Variants in USP9Y observed in about 807,000 individuals in gnomAD.
USP9Y encodes the protein ubiquitin specific peptidase 9 Y-linked.
A neutral mutation model predicts 53.1 loss-of-function variants in USP9Y; 41 were observed. The ratio of observed to expected loss-of-function variants is 0.77; its 90% confidence interval spans 0.60 to 1.00. USP9Y has a LOEUF of 1.00. Among genes scored for constraint, USP9Y ranks in the 50% least tolerant of loss-of-function variants. The pLI is 0.00. For missense variants in USP9Y, 567 were observed against 535.8 expected (o/e 1.06, Z -0.58); for synonymous variants, 220 against 173.7 (o/e 1.27, Z -2.09).
Position 12,771,093 on chromosome Y carries a change from A to G in USP9Y, c.1926A>G (p.Thr642=), listed in dbSNP as rs2053485470. Residue 642 remains threonine (T), a synonymous_variant, in exon 16 of 46, where the codon ACA becomes ACG. Transcript: ENST00000338981. ...ATCATGAAGACTATGATCCACAAAC[A>G]GTGAGGCTTGGAAGTCGATACAGTC... is the stretch of plus-strand genomic sequence containing the variant. The part of the protein sequence containing the change: ...AGDHEDYDPQ[T]VRLGSRYSHV... The G allele has an allele frequency of 2.5e-6, 1 of 395,616 alleles. No homozygotes were observed. Among genetic ancestry groups the G allele is most frequent in the African/African-American group, 6.3e-5 (1 of 15,843 alleles).
intron 39 of USP9Y, among the ~76,000 whole-genome samples, chrY:12,843,436 T>G (rs2053564032): frequency 3.0e-5 from 1 of 33,210 alleles, no homozygotes; most frequent in Non-Finnish European, 7.5e-5. Context: ...TTTGTCTGAT[T>G]GATGTTATCT....
intron 12 of USP9Y, among the ~76,000 whole-genome samples, chrY:12,753,173 G>A (rs992393254): frequency 6.0e-5 from 2 of 33,486 alleles, no homozygotes; most frequent in African/African-American, 1.2e-4. Flanking sequence ...TTTTACAGAA[G>A]TGGGGTTTCA....
intron 12 of USP9Y, among the ~76,000 whole-genome samples, chrY:12,754,085 C>CT: frequency 3.3e-5 from 1 of 30,272 alleles, no homozygotes; most frequent in Non-Finnish European, 7.8e-5. Context: ...CCAAATTTTG[C>CT]TTTTTTTGAC....
chrY:12,769,939 G>A (rs893200897), intron 15 of USP9Y, among the ~76,000 whole-genome samples: 1 of 32,639 alleles, frequency 3.1e-5, no homozygotes, highest in Non-Finnish European at 7.5e-5. Flanking sequence ...GACTACAGGC[G>A]TGTGCCACCA....
chrY:12,738,752 G>C, intron 11 of USP9Y, among the ~76,000 whole-genome samples: 1 of 33,076 alleles, frequency 3.0e-5, no homozygotes, highest in Non-Finnish European at 7.4e-5. Flanking sequence ...CTGTTAGCCA[G>C]GATGGTCTTG....
rs2053576631 is a variant in USP9Y, at chrY:12,856,446, T to C, written c.7171T>C (p.Cys2391Arg). The stretch of plus-strand genomic sequence containing the variant: ...AAAACGAGCATATCAGTGCATAAAA[T>C]GTATGGTAGCTCTATTTAGCAGTTG... ...YQKRAYQCIK[C>R]MVALFSSCPV... The change falls in exon 43 of 46, where the codon TGT becomes CGT. Residue 2391 changes from cysteine (C) to arginine (R), a missense_variant. Physicochemically the swap from Cys to Arg is radical, Grantham distance 180 (BLOSUM62 -3). Coordinates refer to ENST00000338981, the MANE Select transcript of USP9Y (RefSeq NM_004654.4). 1 of 396,209 alleles carries C rather than the reference T, an allele frequency of 2.5e-6. No individual in the cohort carries two copies. The highest frequency in any genetic ancestry group is 6.4e-5 in the African/African-American group (1 of 15,565).
chrY:12,828,992 C>T (rs2053548940), intron 33 of USP9Y, among the ~76,000 whole-genome samples: 1 of 32,825 alleles, frequency 3.0e-5, no homozygotes, highest in African/African-American at 1.2e-4. Flanking sequence ...AAACTCACAA[C>T]GATTTTTTTT....
Position 12,860,723 on chromosome Y carries a change from G to A in USP9Y, c.*1307G>A. Reference sequence around the variant, plus strand: ...GAATGTGTGTAATATTTTGGAACCTGTTTAAAAACCAAATATACCTGCAAA... The same window carrying A: ...GAATGTGTGTAATATTTTGGAACCTATTTAAAAACCAAATATACCTGCAAA... On this transcript the variant is annotated 3_prime_UTR_variant, in exon 46 of 46. Coordinates refer to ENST00000338981, the MANE Select transcript of USP9Y (RefSeq NM_004654.4). The A allele has an allele frequency of 8.9e-5, 3 of 33,735 alleles. No individual in the cohort carries two copies. The highest frequency in any genetic ancestry group is 2.2e-4 in the Non-Finnish European group (3 of 13,590). The allele number at this position is 33,735 out of a possible 400,897, so 8.4% of individuals were successfully genotyped here.
chrY:12,852,125 T>A (rs2053571671), intron 42 of USP9Y, among the ~76,000 whole-genome samples: 1 of 33,667 alleles, frequency 3.0e-5, no homozygotes, highest in African/African-American at 1.2e-4. Flanking sequence ...TACAACTTGG[T>A]TCCATTCTCC....
chrY:12,814,223 T>C (rs2053533803), intron 31 of USP9Y, among the ~76,000 whole-genome samples: 1 of 33,643 alleles, frequency 3.0e-5, no homozygotes, highest in Non-Finnish European at 7.4e-5. Flanking sequence ...CAAAAGAGTT[T>C]ATTTTTTAGA....
chrY:12,778,106 G>A lies in USP9Y; in HGVS notation c.2727G>A (p.Thr909=), dbSNP rs751232289. ...ATGAGTTGGATATATGGTCTCATAC[G>A]AATGACACAATTGGTTCAGTACGGC... ...QVDELDIWSH[T]NDTIGSVRRC... Residue 909 remains threonine (T), a synonymous_variant, in exon 20 of 46, where the codon ACG becomes ACA. Transcript: ENST00000338981. 5.1e-6 allele frequency: 2 copies of A among 395,105 alleles called. No homozygotes were observed. Among genetic ancestry groups the A allele is most frequent in the Admixed American group, 7.7e-5 (1 of 12,977 alleles).
intron 33 of USP9Y, among the ~76,000 whole-genome samples, chrY:12,824,241 T>A (rs2053544249): frequency 3.0e-5 from 1 of 32,851 alleles, no homozygotes; most frequent in Non-Finnish European, 7.4e-5. Flanking sequence ...ATTCTGTATA[T>A]GTATTTACAT....
Position 12,736,499 on chromosome Y carries a change from C to T in USP9Y, c.1114C>T (p.Arg372Trp), listed in dbSNP as rs1231237685. The T allele has an allele frequency of 2.1e-4, 82 of 394,287 alleles. No individual in the cohort carries two copies. The highest frequency in any genetic ancestry group is 2.8e-4 in the Non-Finnish European group (79 of 281,320). ...ATCTAGTGTATCATATTATACTCAT[C>T]GGCATAGTAATCCTGAGGAGGAAGA... ...VISSVSYYTH[R>W]HSNPEEEEWL... The change falls in exon 10 of 46, where the codon CGG (arginine) becomes TGG (tryptophan). Residue 372 changes from arginine (R) to tryptophan (W), a missense_variant. By Grantham distance (101) the Arg-to-Trp change is moderately radical (BLOSUM62 -3). Transcript: ENST00000338981.
intron 3 of USP9Y, among the ~76,000 whole-genome samples, chrY:12,711,489 T>G: frequency 3.1e-5 from 1 of 32,136 alleles, no homozygotes; most frequent in Admixed American, 2.9e-4. Context: ...ATTATTGATT[T>G]AAGAGTTTCT....
intron 3 of USP9Y, among the ~76,000 whole-genome samples, chrY:12,713,858 C>G: frequency 1.6e-4 from 4 of 24,698 alleles, no homozygotes; most frequent in Non-Finnish European, 3.7e-4. Flanking sequence ...TTGTATGGCA[C>G]TAATTTGGGG....
intron 27 of USP9Y, chrY:12,802,226 G>A: frequency 2.9e-5 from 1 of 34,626 alleles, no homozygotes; most frequent in South Asian, 6.5e-4. Flanking sequence ...TTTGGTACAC[G>A]CCTCCAAACA....
At chrY:12,741,354 G>A in intron 12 of USP9Y, among the ~76,000 whole-genome samples, 1 of 33,415 alleles carries the variant, frequency 3.0e-5, no homozygotes, top group Admixed American at 2.7e-4. Context: ...AAAGGTCTTT[G>A]TTAAGGTGCT....
intron 12 of USP9Y, among the ~76,000 whole-genome samples, chrY:12,744,014 C>G: frequency 6.0e-5 from 2 of 33,236 alleles, no homozygotes; most frequent in East Asian, 1.6e-3. Context: ...CTTATTGTAG[C>G]ATTTTCTCAT....
At chrY:12,740,218 A>G in intron 12 of USP9Y, among the ~76,000 whole-genome samples, 1 of 33,222 alleles carries the variant, frequency 3.0e-5, no homozygotes, top group East Asian at 7.8e-4. Context: ...ATAGGTTGGC[A>G]TTGTTCTTTT....
Sources: allele counts gnomAD v4.1 joint callset (sites outside exome capture counted in the v4.1 genomes callset), GRCh38; gene constraint gnomAD v4.1.1; transcripts MANE v1.5; gene names NCBI Gene and HGNC (gene_info 2026-07-23, HGNC 2026-07-21).